The following ELP4 variants were observed in gnomAD, a reference collection of about 807,000 sequenced individuals.
ELP4 encodes the protein elongator complex protein 4.
Under a neutral mutation model 48.9 loss-of-function variants are expected in ELP4, and 51 were observed. The observed-to-expected ratio is 1.04, with a 90% CI of 0.83 to 1.32. The LOEUF (loss-of-function observed/expected upper bound fraction) is 1.32, where lower values mean the gene tolerates loss of function less well. ELP4 is among the 40% of genes most tolerant of loss of function. ELP4 has a pLI of 0.00. For missense variants in ELP4, 519 were observed against 514.6 expected, an observed-to-expected ratio of 1.01 and a Z score of -0.08; for synonymous variants, 210 against 189.2, an observed-to-expected ratio of 1.11 and a Z score of -0.90.
intron 8 of ELP4, chr11:31,649,487 G>A (rs1413611397): frequency 1.3e-5 from 2 of 151,662 alleles, no homozygotes; most frequent in Admixed American, 6.6e-5. Context: ...AGAGGCCAAA[G>A]CTCATGGTTT....
chr11:31,767,597 A>G (rs1359029737), intron 9 of ELP4: 1 of 152,054 alleles, frequency 6.6e-6, no homozygotes, highest in Non-Finnish European at 1.5e-5. Context: ...AAAAAAAAAG[A>G]CCCTAAGAGC....
intron 2 of ELP4, among the ~76,000 whole-genome samples, chr11:31,531,270 G>A (rs1301832803): frequency 2.6e-5 from 4 of 152,118 alleles, no homozygotes; most frequent in Admixed American, 6.6e-5. Context: ...AGACAAGATC[G>A]ATTTTTGTTT....
At chr11:31,547,635 AT>A (rs1179287027) in intron 3 of ELP4, among the ~76,000 whole-genome samples, 1 of 152,224 alleles carries the variant, frequency 6.6e-6, no homozygotes, top group Non-Finnish European at 1.5e-5. Flanking sequence ...AACTCATTTT[AT>A]GAGGCCAGCA....
At chr11:31,667,180 G>A (rs1945698374) in intron 9 of ELP4, among the ~76,000 whole-genome samples, 1 of 152,152 alleles carries the variant, frequency 6.6e-6, no homozygotes, top group Non-Finnish European at 1.5e-5. Flanking sequence ...TGTTTAGATG[G>A]CCTGAGAAGG....
In ELP4 at chr11:31,596,730, A is replaced by C. The variant is rs796621097; in HGVS notation, c.513+1829A>C. Among the ~76,000 whole-genome samples, 3 of 152,202 alleles carry C rather than the reference A, an allele frequency of 2.0e-5. No individual in the cohort carries two copies. In the South Asian group the frequency reaches 6.2e-4, roughly 31 times the overall value. ...GCTGTGATTTAAATGACTGTGAACAAACTACAAATTTAAGAGAGAATATTT... is the reference window on the plus strand; with the variant it reads ...GCTGTGATTTAAATGACTGTGAACACACTACAAATTTAAGAGAGAATATTT... On this transcript the variant is annotated intron_variant, in intron 4 of 9. Transcript: ENST00000640961.
rs552570080 is a variant in ELP4 at position 31,539,825 on chromosome 11, A to G, written c.381+42A>G. 1.6e-5 allele frequency: 25 copies of G among 1,520,094 alleles called. No individual in the cohort carries two copies. In the East Asian group the frequency reaches 4.9e-4, roughly 30 times the overall value. 94.2% of individuals were successfully genotyped at this position (1,520,094 alleles called of 1,614,324 possible). ...CTTAATATTGCATTTTGAATGTTTC[A>G]TGAAAAAATATTGTTTATATATGTA... On this transcript the variant is annotated intron_variant, in intron 3 of 9. Coordinates refer to ENST00000640961, the MANE Select transcript of ELP4 (RefSeq NM_019040.5).
Position 31,709,279 on chromosome 11 carries a change from T to G in ELP4, c.1143+59058T>G, listed in dbSNP as rs548921509. Among the ~76,000 whole-genome samples the G allele has an allele frequency of 3.9e-5, 6 of 152,242 alleles. No homozygotes were observed. The South Asian group carries it at 1.2e-3, about 32-fold the overall frequency. On this transcript the variant is annotated intron_variant, in intron 9 of 9. Coordinates refer to ENST00000640961, the MANE Select transcript of ELP4 (RefSeq NM_019040.5). ...ATACGTCATATTACAAACTATAGAT[T>G]TGAAATACTTTTAAATAGGATTTTC...
At chr11:31,655,813 T>C (rs1945420817) in intron 9 of ELP4, among the ~76,000 whole-genome samples, 1 of 152,038 alleles carries the variant, frequency 6.6e-6, no homozygotes, top group African/African-American at 2.4e-5. Context: ...ATTTTTTAAC[T>C]TCCTATATAA....
In ELP4 at chr11:31,785,370, T is replaced by C. The variant is rs921507435; in HGVS notation, c.*1846T>C. On this transcript the variant is annotated 3_prime_UTR_variant, in exon 10 of 10. Coordinates refer to ENST00000640961, the MANE Select transcript of ELP4 (RefSeq NM_019040.5). Reference sequence around the variant, plus strand: ...TTGCTGAAAAAGAGATACGAGGTCATCAGATATGTAAATTGCTTGTCAAAA... The same window carrying C: ...TTGCTGAAAAAGAGATACGAGGTCACCAGATATGTAAATTGCTTGTCAAAA... 1 of 185,290 alleles carries C rather than the reference T, an allele frequency of 5.4e-6. No homozygotes were observed. The highest frequency in any genetic ancestry group is 1.1e-5 in the Non-Finnish European group (1 of 87,486). The allele number at this position is 185,290 out of a possible 1,614,324, so 11.5% of individuals were successfully genotyped here.
chr11:31,725,997 G>A (rs1313728170), intron 9 of ELP4, among the ~76,000 whole-genome samples: 1 of 152,126 alleles, frequency 6.6e-6, no homozygotes, highest in Admixed American at 6.5e-5. Flanking sequence ...TTCAGAAAAG[G>A]CTAAGATTCT....
chr11:31,570,789 T>G (rs1957181057), intron 3 of ELP4, among the ~76,000 whole-genome samples: 2 of 133,396 alleles, frequency 1.5e-5, no homozygotes, highest in Admixed American at 1.5e-4. Context: ...AACTGTAAAC[T>G]CTTTTTTTTT....
At chr11:31,532,846 A>G (rs747140380) in intron 2 of ELP4, among the ~76,000 whole-genome samples, 7 of 136,206 alleles carry the variant, frequency 5.1e-5, no homozygotes, top group African/African-American at 1.1e-4. Context: ...ATCTCGGCTC[A>G]TTGTAACCTC....
intron 3 of ELP4, among the ~76,000 whole-genome samples, chr11:31,558,910 CA>C (rs1956972290): frequency 6.6e-6 from 1 of 152,042 alleles, no homozygotes; most frequent in Non-Finnish European, 1.5e-5. Flanking sequence ...ATATTAAAAA[CA>C]AAGTTCATTT....
chr11:31,688,243 A>G (rs1946203851), intron 9 of ELP4, among the ~76,000 whole-genome samples: 1 of 152,198 alleles, frequency 6.6e-6, no homozygotes, highest in Non-Finnish European at 1.5e-5. Flanking sequence ...CTGTTTATAT[A>G]TATGAATGTG....
chr11:31,657,681 A>C (rs1945466388), intron 9 of ELP4, among the ~76,000 whole-genome samples: 1 of 151,920 alleles, frequency 6.6e-6, no homozygotes, highest in Non-Finnish European at 1.5e-5. Flanking sequence ...GAACCCTTGC[A>C]TACATACTAT....
chr11:31,627,053 G>T, intron 5 of ELP4, 57 bp from the exon 6 acceptor site: 1 of 914,218 alleles, frequency 1.1e-6, no homozygotes. Context: ...ATCATAGATT[G>T]TGTACTTCTT....
At chr11:31,706,542 TATTTA>T (rs1488879865) in intron 9 of ELP4, among the ~76,000 whole-genome samples, 3 of 147,992 alleles carry the variant, frequency 2.0e-5, no homozygotes, top group South Asian at 2.1e-4. Flanking sequence ...TTTGTTTATA[TATTTA>T]ATTTAATATA....
intron 9 of ELP4, among the ~76,000 whole-genome samples, chr11:31,771,443 C>T (rs1948140357): frequency 6.6e-6 from 1 of 152,110 alleles, no homozygotes; most frequent in Non-Finnish European, 1.5e-5. Context: ...TCCTTGCTAC[C>T]CCTTGCCCTT....
chr11:31,734,257 T>G (rs1203429128), intron 9 of ELP4, among the ~76,000 whole-genome samples: 7 of 152,178 alleles, frequency 4.6e-5, no homozygotes, highest in Admixed American at 2.6e-4. Flanking sequence ...ACAGCTAACA[T>G]ACTGTATGGT....
Sources: allele counts gnomAD v4.1 joint callset (sites outside exome capture counted in the v4.1 genomes callset), GRCh38; gene constraint gnomAD v4.1.1; transcripts MANE v1.5; gene names NCBI Gene and HGNC (gene_info 2026-07-23, HGNC 2026-07-21).